Variants in INPP5F observed in about 807,000 individuals in gnomAD.
INPP5F encodes inositol polyphosphate-5-phosphatase F, also known as phosphatidylinositide 4-phosphatase SAC2.
Under a neutral mutation model 137.2 loss-of-function variants are expected in INPP5F, and 97 were observed. That is an observed-to-expected ratio of 0.71 (90% CI 0.60 to 0.84). The LOEUF is 0.84. INPP5F is among the 40% of genes least tolerant of loss of function. The probability of loss-of-function intolerance (pLI) is 0.00; values close to 1 mark genes in which losing one functional copy is unlikely to be tolerated. For missense variants in INPP5F, 1,271 were observed against 1,371.9 expected (o/e 0.93, Z 1.16); for synonymous variants, 504 against 476.9 (o/e 1.06, Z -0.74).
chr10:119,781,546 TG>T, intron 2 of INPP5F, 88 bp from the exon 3 acceptor site: 3 of 1,137,640 alleles, frequency 2.6e-6, no homozygotes, highest in East Asian at 2.6e-5. Context: ...CTTTTTTTTT[TG>T]TTATCATTGT....
rs1851470865 is a variant in INPP5F at position 119,819,657 on chromosome 10, G to A, written c.1887-1189G>A. ...TTAATTGGTTAATGCTCAGATTTTG[G>A]CTCCTAGAATCGATCTGTGTGTTCC... On this transcript the variant is annotated intron_variant, in intron 15 of 19. Transcript: ENST00000650623. The A allele has an allele frequency of 2.2e-5, 15 of 695,720 alleles. No homozygotes were observed. In the South Asian group the frequency reaches 4.0e-4, roughly 19 times the overall value. 43.1% of individuals were successfully genotyped at this position (695,720 alleles called of 1,614,324 possible). A position where few individuals can be genotyped will look rare whatever the true frequency, so the allele number is the denominator to read the frequency against.
chr10:119,760,122 T>C (rs1342059595), intron 2 of INPP5F, among the ~76,000 whole-genome samples: 1 of 152,216 alleles, frequency 6.6e-6, no homozygotes, highest in Non-Finnish European at 1.5e-5. Flanking sequence ...ATATTTATGT[T>C]TTCAGGCAGA....
rs1402848370 is a variant in INPP5F, at chr10:119,797,651, CA to C, written c.1048+13del. 1.3e-6 allele frequency: 2 copies of C among 1,584,980 alleles called. No individual in the cohort carries two copies. Among genetic ancestry groups the C allele is most frequent in the Non-Finnish European group, 1.7e-6 (2 of 1,165,060 alleles). On this transcript the variant is annotated intron_variant, in intron 8 of 19. Transcript: ENST00000650623. ...CGCGGCTGGACAGAAGTAAGCAGGT[CA>C]ATTATTGGGTTTGCAAATGATGATT...
At chr10:119,810,565 G>A (rs1298127049) in intron 14 of INPP5F, among the ~76,000 whole-genome samples, 1 of 152,164 alleles carries the variant, frequency 6.6e-6, no homozygotes, top group Non-Finnish European at 1.5e-5. Flanking sequence ...ACTCAAGGCT[G>A]AGCAATGTAA....
chr10:119,771,058 C>T (rs905809082), intron 2 of INPP5F, among the ~76,000 whole-genome samples: 2 of 152,142 alleles, frequency 1.3e-5, no homozygotes, highest in East Asian at 1.9e-4. Context: ...AGAACATTTT[C>T]GGCATCCAAG....
intron 1 of INPP5F, among the ~76,000 whole-genome samples, chr10:119,727,324 T>A (rs1847923361): frequency 6.6e-6 from 1 of 152,252 alleles, no homozygotes; most frequent in Non-Finnish European, 1.5e-5. Context: ...ATGATATGAA[T>A]TGAAAAGGAT....
At chr10:119,820,118 A>G (rs1851495752) in intron 15 of INPP5F, among the ~76,000 whole-genome samples, 1 of 152,142 alleles carries the variant, frequency 6.6e-6, no homozygotes, top group Admixed American at 6.5e-5. Flanking sequence ...CTGTGTTGTT[A>G]ATTATTTGTA....
chr10:119,797,436 G>C, intron 7 of INPP5F, 25 bp from the exon 8 acceptor site: 1 of 1,560,976 alleles, frequency 6.4e-7, no homozygotes, highest in South Asian at 1.2e-5. Context: ...AAATGTTGCT[G>C]TTTTCTGTTT....
At chr10:119,770,806 T>C (rs1849311113) in intron 2 of INPP5F, among the ~76,000 whole-genome samples, 1 of 152,228 alleles carries the variant, frequency 6.6e-6, no homozygotes. Context: ...TCAAGAATTA[T>C]AGGCTGTCCT....
At chr10:119,804,634 G>C (rs772486113) in intron 10 of INPP5F, among the ~76,000 whole-genome samples, 43 of 151,654 alleles carry the variant, frequency 2.8e-4, no homozygotes, top group Non-Finnish European at 5.7e-4. Flanking sequence ...ATTTCCTTAA[G>C]AGTATCTTGC....
rs1849980186 is a variant in INPP5F, at chr10:119,787,849, G to A, written c.316-3668G>A. The stretch of plus-strand genomic sequence containing the variant: ...ATGGGAGATGGGATCCTGGGGCCAT[G>A]CTTAGCACTTGAGGCCTGGTGCTCA... On this transcript the variant is annotated intron_variant, in intron 3 of 19. Transcript: ENST00000650623. This position sits in a 1 kb window ranked among gnomAD's most constrained non-coding sequence, Gnocchi z 4.1. 6.6e-6 allele frequency among the ~76,000 whole-genome samples: 1 copy of A among 152,252 alleles called. No homozygotes were observed. Among genetic ancestry groups the A allele is most frequent in the Middle Eastern group, 3.4e-3 (1 of 294 alleles).
chr10:119,753,693 C>A (rs1302635066), intron 2 of INPP5F, among the ~76,000 whole-genome samples: 2 of 152,198 alleles, frequency 1.3e-5, no homozygotes. Context: ...TAAGTTGTTA[C>A]ACAAGGTAAA....
At chr10:119,752,310 C>T (rs189664969) in intron 2 of INPP5F, among the ~76,000 whole-genome samples, 2 of 152,202 alleles carry the variant, frequency 1.3e-5, no homozygotes, top group Non-Finnish European at 2.9e-5. Flanking sequence ...ATGGGCCAGG[C>T]GCAGTGACTC....
chr10:119,758,067 C>G (rs963968710), intron 2 of INPP5F, among the ~76,000 whole-genome samples: 1 of 152,162 alleles, frequency 6.6e-6, no homozygotes, highest in African/African-American at 2.4e-5. Flanking sequence ...GTTGAACAAG[C>G]TGGGGCTGCA....
At chr10:119,820,714 C>A in intron 15 of INPP5F, 132 bp from the exon 16 acceptor site, 1 of 669,174 alleles carries the variant, frequency 1.5e-6, no homozygotes. Context: ...CAGTAGAACT[C>A]ATTGATTACC....
chr10:119,741,794 C>A lies in INPP5F; in HGVS notation c.98-9282C>A, dbSNP rs182601859. On this transcript the variant is annotated intron_variant, in intron 1 of 19. Coordinates refer to ENST00000650623, the MANE Select transcript of INPP5F (RefSeq NM_014937.4). ...AGGTGATGCACCCACCTCAGCCTTCCAAAGTGTTGGGATTACAGGCGTGAG... is the reference window on the plus strand; with the variant it reads ...AGGTGATGCACCCACCTCAGCCTTCAAAAGTGTTGGGATTACAGGCGTGAG... Among the ~76,000 whole-genome samples, 688 of 152,208 alleles carry A rather than the reference C, an allele frequency of 4.5e-3. 8 individuals carry two copies. Among genetic ancestry groups the A allele is most frequent in the African/African-American group, 0.016 (664 of 41,520 alleles).
chr10:119,814,940 A>G (rs1374323700), intron 15 of INPP5F, among the ~76,000 whole-genome samples: 1 of 151,744 alleles, frequency 6.6e-6, no homozygotes, highest in African/African-American at 2.4e-5. Context: ...ATCTCGGCTC[A>G]CTGCAAGTTC....
intron 1 of INPP5F, among the ~76,000 whole-genome samples, chr10:119,750,810 G>A (rs990222432): frequency 6.6e-6 from 1 of 152,136 alleles, no homozygotes; most frequent in Non-Finnish European, 1.5e-5. Context: ...ACTGTAGGGC[G>A]CCAAGGTACT....
chr10:119,750,533 C>T (rs927638384), intron 1 of INPP5F, among the ~76,000 whole-genome samples: 66 of 152,310 alleles, frequency 4.3e-4, no homozygotes, highest in African/African-American at 1.5e-3. Flanking sequence ...GATGAGGAAC[C>T]CTGATTGAGA....
Sources: allele counts gnomAD v4.1 joint callset (sites outside exome capture counted in the v4.1 genomes callset), GRCh38; gene constraint gnomAD v4.1.1; non-coding constraint Gnocchi (gnomAD v3.1); transcripts MANE v1.5; gene names NCBI Gene and HGNC (gene_info 2026-07-23, HGNC 2026-07-21).